Variants in COA1 observed in about 807,000 individuals in gnomAD.
The protein encoded by COA1 is cytochrome c oxidase assembly factor 1, also known as cytochrome c oxidase assembly factor 1 homolog.
COA1 carries 13 observed loss-of-function variants against 16.0 expected under a neutral mutation model. The observed-to-expected ratio is 0.81, with a 90% CI of 0.53 to 1.29. The LOEUF is 1.29. COA1 is among the 50% of genes most tolerant of loss of function. The pLI, the probability that COA1 is intolerant of heterozygous loss-of-function variation, is 0.00. For synonymous variants in COA1, 65 were observed against 65.7 expected (o/e 0.99, Z 0.05); for missense variants, 179 against 177.0 (o/e 1.01, Z -0.06).
At chr7:43,620,340 A>C (rs545311525) in intron 6 of COA1, among the ~76,000 whole-genome samples, 1 of 152,314 alleles carries the variant, frequency 6.6e-6, no homozygotes, top group African/African-American at 2.4e-5. Context: ...TATCTGTAGA[A>C]TAAGGCTGTG....
intron 1 of COA1, among the ~76,000 whole-genome samples, chr7:43,694,185 T>A (rs1158393350): frequency 6.8e-6 from 1 of 147,940 alleles, no homozygotes; most frequent in African/African-American, 2.5e-5. Context: ...TTCTCCCATC[T>A]CATGAATCAT....
chr7:43,716,465 T>C (rs1209266145), intron 1 of COA1, among the ~76,000 whole-genome samples: 1 of 151,426 alleles, frequency 6.6e-6, no homozygotes, highest in Admixed American at 6.6e-5. Context: ...AACTTAGAAC[T>C]TGAGAGAGAT....
chr7:43,610,886 G>A (rs2082810604), intron 6 of COA1, among the ~76,000 whole-genome samples: 2 of 152,108 alleles, frequency 1.3e-5, no homozygotes, highest in South Asian at 4.2e-4. Flanking sequence ...GGAGGTCAAG[G>A]AGGGCAGATC....
intron 4 of COA1, 100 bp from the exon 5 acceptor site, chr7:43,640,749 T>C: frequency 1.2e-6 from 1 of 821,484 alleles, no homozygotes; most frequent in Admixed American, 3.2e-5. Context: ...GCCTATAAAA[T>C]CCAGTGATTC....
chr7:43,637,181 A>C (rs1284947416), downstream of COA1, among the ~76,000 whole-genome samples: 2 of 152,214 alleles, frequency 1.3e-5, no homozygotes, highest in South Asian at 2.1e-4. Flanking sequence ...CCTAACTGAT[A>C]TCTCTCTTTT....
At chr7:43,697,897 C>T (rs1275020218) in intron 1 of COA1, among the ~76,000 whole-genome samples, 1 of 152,212 alleles carries the variant, frequency 6.6e-6, no homozygotes, top group Non-Finnish European at 1.5e-5. Context: ...CACCAAGACT[C>T]ATGTGAGCAT....
At chr7:43,628,135 C>T (rs1042350145) in intron 6 of COA1, among the ~76,000 whole-genome samples, 9 of 151,988 alleles carry the variant, frequency 5.9e-5, no homozygotes, top group African/African-American at 1.2e-4. Flanking sequence ...TACAGGCATG[C>T]GCCACCACAC....
intron 1 of COA1, among the ~76,000 whole-genome samples, chr7:43,726,909 T>C (rs2095627786): frequency 6.6e-6 from 1 of 152,130 alleles, no homozygotes; most frequent in East Asian, 1.9e-4. Context: ...GATAAATAAA[T>C]GGGCAATAAG....
Position 43,691,377 on chromosome 7 carries a change from G to GAGGAAGGAAGGA in COA1, c.-39+38040_-39+38051dup, listed in dbSNP as rs1196489846. ...GGAGGGAGGGAGGGAGGGAGGGAGG[G>GAGGAAGGAAGGA]AGGAAGGAAGGAAGGAAGGAAGGAA... On this transcript the variant is annotated intron_variant, in intron 1 of 5. Coordinates refer to ENST00000223336, the MANE Select transcript of COA1 (RefSeq NM_018224.4). Among the ~76,000 whole-genome samples the GAGGAAGGAAGGA allele has an allele frequency of 8.9e-3, 272 of 30,690 alleles. 11 individuals are homozygous for GAGGAAGGAAGGA. Among genetic ancestry groups the GAGGAAGGAAGGA allele is most frequent in the Middle Eastern group, 0.035 (3 of 86 alleles). 20.1% of individuals were successfully genotyped at this position (30,690 alleles called of 152,430 possible).
intron 1 of COA1, among the ~76,000 whole-genome samples, chr7:43,666,643 G>A (rs2092912210): frequency 6.6e-6 from 1 of 152,142 alleles, no homozygotes; most frequent in African/African-American, 2.4e-5. Flanking sequence ...CAAATAGGTG[G>A]TCTAAATCAT....
At chr7:43,615,689 C>T (rs2083280334) in intron 6 of COA1, among the ~76,000 whole-genome samples, 2 of 152,142 alleles carry the variant, frequency 1.3e-5, no homozygotes, top group Non-Finnish European at 2.9e-5. Context: ...TTTCCAACCT[C>T]ATGCCTCCCA....
chr7:43,619,717 T>C (rs2083682855), intron 6 of COA1: 1 of 1,613,698 alleles, frequency 6.2e-7, no homozygotes, highest in Non-Finnish European at 8.5e-7. Context: ...TACCCCTGAA[T>C]ATGTGGGTAA....
chr7:43,639,786 A>C (rs2086602950), intron 5 of COA1, 105 bp from the exon 6 acceptor site: 7 of 776,014 alleles, frequency 9.0e-6, no homozygotes, highest in Non-Finnish European at 1.3e-5. Context: ...TAATGCCTTA[A>C]ATTTTTTTAA....
chr7:43,643,822 T>A (rs2087905685), intron 4 of COA1, among the ~76,000 whole-genome samples: 1 of 152,228 alleles, frequency 6.6e-6, no homozygotes, highest in Middle Eastern at 3.2e-3. Context: ...TAAAACCGAA[T>A]ATTTTAATCA....
intron 3 of COA1, chr7:43,647,290 C>T (rs747928594): frequency 3.7e-6 from 2 of 541,722 alleles, no homozygotes; most frequent in Non-Finnish European, 6.6e-6. Context: ...GAAAGCCCAT[C>T]GTGCTTTGCT....
chr7:43,685,092 T>C (rs1260300955), intron 1 of COA1, among the ~76,000 whole-genome samples: 1 of 149,210 alleles, frequency 6.7e-6, no homozygotes, highest in Non-Finnish European at 1.5e-5. Flanking sequence ...GAGGCTGCAG[T>C]GATTCATAAT....
At chr7:43,669,609 C>T (rs1018856781) in intron 1 of COA1, among the ~76,000 whole-genome samples, 2 of 152,148 alleles carry the variant, frequency 1.3e-5, no homozygotes, top group African/African-American at 4.8e-5. Flanking sequence ...GCACCACCTC[C>T]TCTAGCCTCC....
chr7:43,710,811 C>A (rs1183564008), intron 1 of COA1, among the ~76,000 whole-genome samples: 1 of 152,144 alleles, frequency 6.6e-6, no homozygotes, highest in African/African-American at 2.4e-5. Context: ...TTCCAAAACA[C>A]CACAGTGCTG....
At chr7:43,677,240 T>C (rs1247951334) in intron 1 of COA1, among the ~76,000 whole-genome samples, 4 of 152,216 alleles carry the variant, frequency 2.6e-5, no homozygotes, top group African/African-American at 7.2e-5. Flanking sequence ...AAAGAAACTG[T>C]GGAGTCTTTA....
Sources: gnomAD v4.1 joint callset for allele counts (sites outside exome capture counted in the v4.1 genomes callset) on GRCh38, gnomAD v4.1.1 for gene constraint, MANE v1.5 for transcripts, NCBI Gene and HGNC (gene_info 2026-07-23, HGNC 2026-07-21) for gene names.